The following EPHA6 variants were observed in gnomAD, a reference collection of about 807,000 sequenced individuals.
EPHA6 encodes the protein ephrin type-A receptor 6.
EPHA6 carries 50 observed loss-of-function variants against 112.0 expected under a neutral mutation model. The observed-to-expected ratio is 0.45, with a 90% CI of 0.36 to 0.56. The LOEUF is 0.56. EPHA6 is among the 20% of genes least tolerant of loss of function. EPHA6 has a pLI of 0.00. For missense variants in EPHA6, 1,280 were observed against 1,417.4 expected, an observed-to-expected ratio of 0.90 and a Z score of 1.56; for synonymous variants, 529 against 490.7, an observed-to-expected ratio of 1.08 and a Z score of -1.03.
chr3:97,441,955 GT>G (rs1289041652), intron 6 of EPHA6, among the ~76,000 whole-genome samples: 1 of 151,948 alleles, frequency 6.6e-6, no homozygotes, highest in African/African-American at 2.4e-5. Flanking sequence ...TTATTTTTAA[GT>G]TTTGTAAGAT....
chr3:97,190,082 A>G (rs562646642), intron 3 of EPHA6, among the ~76,000 whole-genome samples: 8 of 152,082 alleles, frequency 5.3e-5, no homozygotes, highest in African/African-American at 1.9e-4. Context: ...TACAGTAGGC[A>G]GGGTCAGTAG....
intron 3 of EPHA6, among the ~76,000 whole-genome samples, chr3:97,118,986 C>T (rs951633004): frequency 6.6e-6 from 1 of 151,910 alleles, no homozygotes. Flanking sequence ...TACTCACAAG[C>T]CTCTATCAAG....
At chr3:97,637,833 T>C in intron 13 of EPHA6, 40 bp from the exon 14 acceptor site, 1 of 1,494,618 alleles carries the variant, frequency 6.7e-7, no homozygotes, top group Non-Finnish European at 9.3e-7. Context: ...ACACACTGCA[T>C]TAAAATAAAT....
intron 3 of EPHA6, among the ~76,000 whole-genome samples, chr3:97,159,202 A>G (rs1482076388): frequency 6.6e-6 from 1 of 152,066 alleles, no homozygotes; most frequent in African/African-American, 2.4e-5. Flanking sequence ...CTAGATATAC[A>G]TTTCCTTACC....
chr3:97,066,055 G>A (rs535384351), intron 3 of EPHA6, among the ~76,000 whole-genome samples: 3 of 152,148 alleles, frequency 2.0e-5, no homozygotes, highest in Non-Finnish European at 2.9e-5. Flanking sequence ...AGAAGCTCAT[G>A]ATGGGTGTTC....
chr3:96,994,032 G>A lies in EPHA6; in HGVS notation c.1114+6039G>A, dbSNP rs112651101. On this transcript the variant is annotated intron_variant, in intron 3 of 17. Transcript: ENST00000389672. ...GTTATGATATTTTATCCAAAAAGTCGTACTACTGAATGTTTGAATTTGTGA... is the reference window on the plus strand; with the variant it reads ...GTTATGATATTTTATCCAAAAAGTCATACTACTGAATGTTTGAATTTGTGA... 5.9e-3 allele frequency among the ~76,000 whole-genome samples: 901 copies of A among 152,104 alleles called. 7 individuals carry two copies. The highest frequency in any genetic ancestry group is 0.017 in the African/African-American group (724 of 41,498).
intron 5 of EPHA6, among the ~76,000 whole-genome samples, chr3:97,343,547 G>A (rs1215001969): frequency 1.3e-5 from 2 of 152,138 alleles, no homozygotes; most frequent in African/African-American, 4.8e-5. Flanking sequence ...CTAAGGGTAT[G>A]GCAAACCAAC....
intron 1 of EPHA6, among the ~76,000 whole-genome samples, chr3:96,842,823 C>T (rs1433137857): frequency 1.3e-5 from 2 of 151,976 alleles, no homozygotes; most frequent in African/African-American, 4.8e-5. Context: ...AATGTTACAG[C>T]TCTAAAATCT....
At chr3:96,989,009 GA>G (rs1037926522) in intron 3 of EPHA6, among the ~76,000 whole-genome samples, 8 of 151,738 alleles carry the variant, frequency 5.3e-5, no homozygotes, top group South Asian at 2.1e-4. Context: ...CACAAATATA[GA>G]AAAAAAATTA....
intron 7 of EPHA6, among the ~76,000 whole-genome samples, chr3:97,474,606 T>C (rs1473568088): frequency 1.3e-5 from 2 of 151,954 alleles, no homozygotes; most frequent in Admixed American, 1.3e-4. Flanking sequence ...GCATTATTAA[T>C]ATAAAAAATT....
intron 14 of EPHA6, among the ~76,000 whole-genome samples, chr3:97,695,733 G>T (rs1213151794): frequency 1.3e-5 from 2 of 152,128 alleles, no homozygotes; most frequent in Non-Finnish European, 2.9e-5. Context: ...TAGAGATGGG[G>T]TTTTATCATG....
At chr3:96,849,444 A>C (rs1036552846) in intron 1 of EPHA6, among the ~76,000 whole-genome samples, 2 of 152,126 alleles carry the variant, frequency 1.3e-5, no homozygotes, top group African/African-American at 4.8e-5. Flanking sequence ...GTGTCAGGAA[A>C]ACTTCCATAT....
chr3:96,989,671 A>G (rs1325311073), intron 3 of EPHA6, among the ~76,000 whole-genome samples: 1 of 152,154 alleles, frequency 6.6e-6, no homozygotes, highest in East Asian at 1.9e-4. Flanking sequence ...ACTTACAATC[A>G]TGGCAGAAGG....
intron 10 of EPHA6, among the ~76,000 whole-genome samples, chr3:97,493,706 C>T (rs1316859935): frequency 6.6e-6 from 1 of 151,928 alleles, no homozygotes; most frequent in African/African-American, 2.4e-5. Context: ...ATCCAAGTGT[C>T]TTCATGAGTA....
chr3:97,460,492 A>G (rs1189693072), intron 7 of EPHA6, among the ~76,000 whole-genome samples: 1 of 152,228 alleles, frequency 6.6e-6, no homozygotes, highest in Non-Finnish European at 1.5e-5. Flanking sequence ...TAGAGAGATG[A>G]GAAAGACAAT....
intron 3 of EPHA6, among the ~76,000 whole-genome samples, chr3:97,165,605 T>C (rs987775827): frequency 3.9e-5 from 6 of 152,060 alleles, no homozygotes; most frequent in African/African-American, 1.4e-4. Flanking sequence ...GAGACAAGTC[T>C]GGACTAAAGT....
At chr3:96,977,330 G>T (rs1015174223) in intron 2 of EPHA6, among the ~76,000 whole-genome samples, 1 of 152,218 alleles carries the variant, frequency 6.6e-6, no homozygotes, top group South Asian at 2.1e-4. Flanking sequence ...ACACATAGAT[G>T]TACACTGTGG....
chr3:97,419,001 A>G lies in EPHA6; in HGVS notation c.1731+13727A>G, dbSNP rs753324973. On this transcript the variant is annotated intron_variant, in intron 6 of 17. Coordinates refer to ENST00000389672, the MANE Select transcript of EPHA6 (RefSeq NM_001080448.3). The stretch of plus-strand genomic sequence containing the variant: ...AAGTCAAAAAATTAATGAACTAAGT[A>G]TCTTACTTAAGAATTTAACAGGGCC... 5.6e-4 allele frequency among the ~76,000 whole-genome samples: 85 copies of G among 152,194 alleles called. 1 individual carries two copies. Among genetic ancestry groups the G allele is most frequent in the Non-Finnish European group, 1.0e-3 (70 of 68,032 alleles).
Position 97,198,101 on chromosome 3 carries a change from T to TAGTGTAA in EPHA6, c.1115-28163_1115-28162insAGTGTAA, listed in dbSNP as rs2077486824. On this transcript the variant is annotated intron_variant, in intron 3 of 17. Coordinates refer to ENST00000389672, the MANE Select transcript of EPHA6 (RefSeq NM_001080448.3). ...CTATCTTTTCTACACTGTTCATGCCTCTTTCCTTATGATGTTAAAACCAGG... is the reference window on the plus strand; with the variant it reads ...CTATCTTTTCTACACTGTTCATGCCTAGTGTAACTTTCCTTATGATGTTAAAACCAGG... Among the ~76,000 whole-genome samples the TAGTGTAA allele has an allele frequency of 2.6e-5, 4 of 152,204 alleles. No homozygotes were observed. In the South Asian group the frequency reaches 8.3e-4, roughly 32 times the overall value.
Sources: allele counts gnomAD v4.1 joint callset (sites outside exome capture counted in the v4.1 genomes callset), GRCh38; gene constraint gnomAD v4.1.1; transcripts MANE v1.5; gene names NCBI Gene and HGNC (gene_info 2026-07-23, HGNC 2026-07-21).